TFAP2D: variants seen among roughly 807,000 people sequenced by gnomAD.
TFAP2D encodes the protein transcription factor AP-2 delta, also known as transcription factor AP-2-delta.
A neutral mutation model predicts 43.6 loss-of-function variants in TFAP2D; 9 were observed. The observed-to-expected ratio is 0.21, with a 90% confidence interval of 0.12 to 0.36. The LOEUF (loss-of-function observed/expected upper bound fraction) is 0.36, where lower values mean the gene tolerates loss of function less well. Ranked by LOEUF, TFAP2D falls within the 10% of genes least tolerant of loss-of-function variation. The pLI is 1.00. For synonymous variants in TFAP2D, 256 were observed against 224.9 expected, an observed-to-expected ratio of 1.14 and a Z score of -1.24; for missense variants, 513 against 561.4, an observed-to-expected ratio of 0.91 and a Z score of 0.87.
intron 7 of TFAP2D, among the ~76,000 whole-genome samples, chr6:50,768,903 C>CTTTTTT (rs34182627): frequency 7.8e-6 from 1 of 127,888 alleles, no homozygotes; most frequent in Non-Finnish European, 1.6e-5. Flanking sequence ...AACGAAGTGG[C>CTTTTTT]TTTTTTTTTT....
intron 3 of TFAP2D, among the ~76,000 whole-genome samples, chr6:50,719,447 GAGAA>G (rs531796279): frequency 0.069 from 9,045 of 131,718 alleles, 307 homozygotes; most frequent in Middle Eastern, 0.088. Flanking sequence ...AAAAGACAGA[GAGAA>G]AGAAAGAAAG....
chr6:50,759,695 C>A (rs974955609), intron 7 of TFAP2D, among the ~76,000 whole-genome samples: 5 of 152,014 alleles, frequency 3.3e-5, no homozygotes, highest in Non-Finnish European at 4.4e-5. Context: ...CAAATGTTAT[C>A]ACTTTCAAGA....
intron 3 of TFAP2D, among the ~76,000 whole-genome samples, chr6:50,726,563 G>T (rs1362263899): frequency 6.6e-6 from 1 of 152,228 alleles, no homozygotes; most frequent in Middle Eastern, 3.4e-3. Flanking sequence ...TTAGAAGAGG[G>T]CTATGTGAAT....
chr6:50,741,568 A>G (rs1769046104), intron 5 of TFAP2D, among the ~76,000 whole-genome samples: 1 of 152,110 alleles, frequency 6.6e-6, no homozygotes, highest in Admixed American at 6.6e-5. Context: ...TTAGTTTGCT[A>G]AGGATGCTGG....
At chr6:50,755,446 C>T (rs957516097) in intron 7 of TFAP2D, among the ~76,000 whole-genome samples, 1 of 128,216 alleles carries the variant, frequency 7.8e-6, no homozygotes, top group Non-Finnish European at 1.7e-5. Context: ...AAAAAAAAAA[C>T]TCAAGGATTG....
intron 3 of TFAP2D, among the ~76,000 whole-genome samples, chr6:50,728,604 C>T (rs1212219879): frequency 6.6e-6 from 1 of 152,170 alleles, no homozygotes; most frequent in Non-Finnish European, 1.5e-5. Context: ...AGTCAGTCTA[C>T]ACTCCGTAGG....
At chr6:50,731,404 C>T (rs1342562294) in intron 5 of TFAP2D, among the ~76,000 whole-genome samples, 2 of 151,682 alleles carry the variant, frequency 1.3e-5, no homozygotes, top group East Asian at 1.9e-4. Flanking sequence ...AGATCTTTTG[C>T]GCCCTTCCGC....
intron 5 of TFAP2D, among the ~76,000 whole-genome samples, chr6:50,740,073 A>G (rs575228461): frequency 6.6e-6 from 1 of 152,326 alleles, no homozygotes; most frequent in African/African-American, 2.4e-5. Context: ...GCTTGATAGT[A>G]TAAGAATTTA....
chr6:50,744,417 A>G (rs929231389), intron 5 of TFAP2D, among the ~76,000 whole-genome samples: 17 of 151,366 alleles, frequency 1.1e-4, no homozygotes, highest in African/African-American at 4.1e-4. Context: ...TATGTACTAC[A>G]TTTGTTTAGA....
At chr6:50,752,052 A>G (rs935329147) in intron 7 of TFAP2D, among the ~76,000 whole-genome samples, 1 of 152,000 alleles carries the variant, frequency 6.6e-6, no homozygotes, top group African/African-American at 2.4e-5. Context: ...AATTAACAGG[A>G]TATCACTGAC....
chr6:50,725,700 C>T (rs984375199), intron 3 of TFAP2D, among the ~76,000 whole-genome samples: 4 of 152,156 alleles, frequency 2.6e-5, no homozygotes, highest in Middle Eastern at 3.2e-3. Context: ...CATCTGTAGT[C>T]TGGATTATCT....
chr6:50,731,583 T>G (rs537154048), intron 5 of TFAP2D, among the ~76,000 whole-genome samples: 4 of 152,124 alleles, frequency 2.6e-5, no homozygotes, highest in South Asian at 4.1e-4. Flanking sequence ...CACAACTCAC[T>G]GTCGAGTCAT....
chr6:50,730,114 C>T (rs746230461), intron 5 of TFAP2D, among the ~76,000 whole-genome samples: 10 of 152,086 alleles, frequency 6.6e-5, no homozygotes, highest in Non-Finnish European at 1.5e-4. Context: ...CAAGCCTCAC[C>T]TTGAACACAC....
intron 5 of TFAP2D, among the ~76,000 whole-genome samples, chr6:50,737,458 A>G (rs1376569438): frequency 2.6e-5 from 4 of 152,210 alleles, no homozygotes; most frequent in African/African-American, 7.2e-5. Context: ...TTGATTGATT[A>G]ATATAAGTTT....
chr6:50,718,244 A>T (rs963256529), intron 2 of TFAP2D: 1 of 152,124 alleles, frequency 6.6e-6, no homozygotes, highest in Admixed American at 6.5e-5. Context: ...GAAAATGGGG[A>T]GGCGAAAGGG....
intron 5 of TFAP2D, among the ~76,000 whole-genome samples, chr6:50,731,301 C>T (rs905306990): frequency 1.3e-5 from 2 of 151,996 alleles, no homozygotes; most frequent in Admixed American, 6.6e-5. Flanking sequence ...CTTTTGAAAT[C>T]CCCAGTATCT....
intron 7 of TFAP2D, among the ~76,000 whole-genome samples, chr6:50,759,135 T>G (rs1257026895): frequency 6.6e-6 from 1 of 152,068 alleles, no homozygotes; most frequent in Non-Finnish European, 1.5e-5. Context: ...TGTGAATAAT[T>G]GGCTTTGGGG....
chr6:50,761,062 C>A (rs573027224), intron 7 of TFAP2D, among the ~76,000 whole-genome samples: 1 of 151,494 alleles, frequency 6.6e-6, no homozygotes, highest in Non-Finnish European at 1.5e-5. Context: ...CCATTTAAAT[C>A]TTACTGTTTG....
Position 50,772,940 on chromosome 6 carries a change from C to A in TFAP2D, c.*76C>A. ...CTAATATATATATCATTGAGGGTGACTAATCTTCAGTGGACCAAATCTCTA... is the reference window on the plus strand; with the variant it reads ...CTAATATATATATCATTGAGGGTGAATAATCTTCAGTGGACCAAATCTCTA... On this transcript the variant is annotated 3_prime_UTR_variant, in exon 8 of 8. Coordinates refer to ENST00000008391, the MANE Select transcript of TFAP2D (RefSeq NM_172238.4). 1 of 1,364,870 alleles carries A rather than the reference C, an allele frequency of 7.3e-7. No homozygotes were observed. The highest frequency in any genetic ancestry group is 1.0e-6 in the Non-Finnish European group (1 of 995,654). The allele number at this position is 1,364,870 out of a possible 1,614,324, so 84.5% of individuals were successfully genotyped here.
Sources: gnomAD v4.1 joint callset for allele counts (sites outside exome capture counted in the v4.1 genomes callset) on GRCh38, gnomAD v4.1.1 for gene constraint, MANE v1.5 for transcripts, NCBI Gene and HGNC (gene_info 2026-07-23, HGNC 2026-07-21) for gene names.